ANO4: variants seen among roughly 807,000 people sequenced by gnomAD.
ANO4 encodes the protein anoctamin 4.
In ANO4, 69 loss-of-function variants were observed where a neutral mutation model predicts 141.9. The observed-to-expected ratio is 0.49, with a 90% CI of 0.40 to 0.59. The LOEUF is 0.59. Among genes scored for constraint, ANO4 ranks in the 20% least tolerant of loss-of-function variants. The pLI is 0.00. For synonymous variants in ANO4, 350 were observed against 394.3 expected, an observed-to-expected ratio of 0.89 and a Z score of 1.33; for missense variants, 894 against 1,162.2, an observed-to-expected ratio of 0.77 and a Z score of 3.36.
chr12:100,779,077 A>C (rs2033630568), intron 3 of ANO4, among the ~76,000 whole-genome samples: 1 of 152,198 alleles, frequency 6.6e-6, no homozygotes, highest in Non-Finnish European at 1.5e-5. Context: ...AAACAAAAAA[A>C]CAGAAAAACC....
intron 24 of ANO4, among the ~76,000 whole-genome samples, chr12:101,114,306 G>T (rs2050770424): frequency 1.3e-5 from 2 of 152,180 alleles, no homozygotes; most frequent in Non-Finnish European, 2.9e-5. Flanking sequence ...TACAAAAGGT[G>T]AAAGGAATTA....
At chr12:101,024,595 C>CAA (rs10713446) in intron 9 of ANO4, among the ~76,000 whole-genome samples, 44 of 145,066 alleles carry the variant, frequency 3.0e-4, no homozygotes, top group Middle Eastern at 3.6e-3. Flanking sequence ...GACTCTGTCT[C>CAA]AAAAAAAAAA....
chr12:101,031,487 C>T (rs964610010), intron 9 of ANO4, among the ~76,000 whole-genome samples: 1 of 152,090 alleles, frequency 6.6e-6, no homozygotes, highest in Admixed American at 6.6e-5. Flanking sequence ...ATTGAATGGG[C>T]AAAAGCTGGA....
intron 2 of ANO4, among the ~76,000 whole-genome samples, chr12:100,737,210 G>C (rs2031654223): frequency 6.6e-6 from 1 of 152,192 alleles, no homozygotes; most frequent in Non-Finnish European, 1.5e-5. Flanking sequence ...TGATTAGGCT[G>C]CTCAGTGACA....
At chr12:101,097,540 C>T in intron 19 of ANO4, 111 bp from the exon 20 acceptor site, 2 of 1,035,864 alleles carry the variant, frequency 1.9e-6, no homozygotes, top group Non-Finnish European at 1.5e-6. Flanking sequence ...CCCAGACCTA[C>T]TACTTATAGT....
In ANO4 at chr12:100,740,000, A is replaced by G. The variant is rs1049952735; in HGVS notation, c.253A>G (p.Lys85Glu). Residue 85 changes from lysine (K) to glutamate (E), a missense_variant, in exon 3 of 30, where the codon AAG becomes GAG. Lys to Glu is a moderately conservative substitution (Grantham distance 56). Transcript: ENST00000644049. Reference sequence around the variant, plus strand: ...TGTGTACCACCGATCCTTCACCCGCAAGACTGACCAGGCCACACCTTTGTC... The same window carrying G: ...TGTGTACCACCGATCCTTCACCCGCGAGACTGACCAGGCCACACCTTTGTC... 1.4e-5 allele frequency: 10 copies of G among 702,450 alleles called. No homozygotes were observed. The African/African-American group carries it at 1.7e-4, about 12-fold the overall frequency. 43.5% of individuals were successfully genotyped at this position (702,450 alleles called of 1,614,324 possible).
At chr12:101,023,066 A>G (rs1424200753) in intron 9 of ANO4, among the ~76,000 whole-genome samples, 1 of 152,198 alleles carries the variant, frequency 6.6e-6, no homozygotes, top group African/African-American at 2.4e-5. Context: ...TCTGGATAAT[A>G]AGATCCTTAA....
chr12:100,779,576 TG>T (rs2135576248), intron 3 of ANO4, among the ~76,000 whole-genome samples: 1 of 152,348 alleles, frequency 6.6e-6, no homozygotes, highest in Non-Finnish European at 1.5e-5. Flanking sequence ...TTGCCTCAAT[TG>T]ACACCATTGC....
chr12:101,044,080 A>G (rs1183812421), intron 13 of ANO4, among the ~76,000 whole-genome samples: 1 of 152,150 alleles, frequency 6.6e-6, no homozygotes, highest in African/African-American at 2.4e-5. Flanking sequence ...AGCTATCATC[A>G]TTTGCCTCCT....
intron 2 of ANO4, among the ~76,000 whole-genome samples, chr12:100,903,902 T>C (rs1171591541): frequency 3.3e-5 from 5 of 152,228 alleles, no homozygotes; most frequent in Admixed American, 6.5e-5. Context: ...GTTCATCAAA[T>C]AGACCATCGC....
At chr12:100,892,909 A>G (rs1051149628) in intron 1 of ANO4, among the ~76,000 whole-genome samples, 3 of 151,628 alleles carry the variant, frequency 2.0e-5, no homozygotes, top group African/African-American at 7.3e-5. Flanking sequence ...CACCCCCGGC[A>G]CCCTCCGTTT....
chr12:100,966,096 G>A (rs148987911), intron 5 of ANO4, among the ~76,000 whole-genome samples: 13 of 152,162 alleles, frequency 8.5e-5, no homozygotes, highest in East Asian at 5.8e-4. Flanking sequence ...CTGGTGGTTC[G>A]GGCTTGTCAT....
intron 1 of ANO4, among the ~76,000 whole-genome samples, chr12:100,895,561 GTT>G (rs201323252): frequency 6.9e-5 from 9 of 131,072 alleles, no homozygotes; most frequent in East Asian, 2.2e-4. Context: ...TCTGAGCTTT[GTT>G]TTTTTTTTTT....
chr12:100,922,356 C>A (rs971413663), intron 3 of ANO4, 26 bp downstream of exon 3: 1 of 1,471,720 alleles, frequency 6.8e-7, no homozygotes, highest in Non-Finnish European at 9.1e-7. Context: ...ATTTTAAATT[C>A]GCCGTGAGAG....
chr12:100,776,992 T>C (rs1289232760), intron 3 of ANO4, among the ~76,000 whole-genome samples: 1 of 152,066 alleles, frequency 6.6e-6, no homozygotes, highest in Non-Finnish European at 1.5e-5. Flanking sequence ...TTTAGAGTTA[T>C]AAGGCACCCT....
intron 6 of ANO4, among the ~76,000 whole-genome samples, chr12:100,972,759 T>A (rs2043985306): frequency 6.6e-6 from 1 of 152,170 alleles, no homozygotes; most frequent in Non-Finnish European, 1.5e-5. Flanking sequence ...CTACAAAATA[T>A]GTCTAGATAG....
chr12:101,028,232 T>C (rs1196369768), intron 9 of ANO4, among the ~76,000 whole-genome samples: 2 of 151,974 alleles, frequency 1.3e-5, no homozygotes, highest in Non-Finnish European at 2.9e-5. Flanking sequence ...AAAGAATCAA[T>C]GAAAAAATGC....
At chr12:101,097,508 A>T in intron 19 of ANO4, 143 bp from the exon 20 acceptor site, 1 of 762,852 alleles carries the variant, frequency 1.3e-6, no homozygotes, top group Non-Finnish European at 2.2e-6. Flanking sequence ...GTTATGACAG[A>T]TCTGGAGGGT....
At chr12:101,091,924 G>A (rs967013806) in intron 17 of ANO4, among the ~76,000 whole-genome samples, 2 of 151,922 alleles carry the variant, frequency 1.3e-5, no homozygotes, top group Non-Finnish European at 2.9e-5. Flanking sequence ...GCCTCTTAAT[G>A]GCTGGTTAAG....
Sources: gnomAD v4.1 joint callset for allele counts (sites outside exome capture counted in the v4.1 genomes callset) on GRCh38, gnomAD v4.1.1 for gene constraint, MANE v1.5 for transcripts, NCBI Gene and HGNC (gene_info 2026-07-23, HGNC 2026-07-21) for gene names.